Variants in KLHL5 observed in about 807,000 individuals in gnomAD.
KLHL5 encodes the protein kelch-like protein 5.
A neutral mutation model predicts 77.7 loss-of-function variants in KLHL5; 48 were observed. The ratio of observed to expected loss-of-function variants is 0.62; its 90% confidence interval spans 0.49 to 0.79. The LOEUF is 0.79. Among genes scored for constraint, KLHL5 ranks in the 30% least tolerant of loss-of-function variants. The probability of loss-of-function intolerance (pLI) is 0.00; values close to 1 mark genes in which losing one functional copy is unlikely to be tolerated. For missense variants in KLHL5, 723 were observed against 859.7 expected, an observed-to-expected ratio of 0.84 and a Z score of 1.99; for synonymous variants, 260 against 297.0, an observed-to-expected ratio of 0.88 and a Z score of 1.28.
At chr4:39,130,624 G>A (rs1723762820), downstream of KLHL5, among the ~76,000 whole-genome samples, 1 of 152,130 alleles carries the variant, frequency 6.6e-6, no homozygotes, top group Non-Finnish European at 1.5e-5. Context: ...GCCAATCCCA[G>A]CCAGAACCCA....
chr4:39,084,621 T>C (rs1719888578), intron 4 of KLHL5, among the ~76,000 whole-genome samples: 1 of 152,196 alleles, frequency 6.6e-6, no homozygotes, highest in Non-Finnish European at 1.5e-5. Context: ...ATGTAAGTTA[T>C]ACTAGAATGG....
chr4:39,102,634 G>A (rs555569318), intron 6 of KLHL5, among the ~76,000 whole-genome samples: 1 of 152,008 alleles, frequency 6.6e-6, no homozygotes, highest in African/African-American at 2.4e-5. Context: ...TTCATCTCCT[G>A]TATTTTTAGC....
rs1274761534 is a variant in KLHL5 at position 39,125,140 on chromosome 4, T to C, written c.*4074T>C. Among the ~76,000 whole-genome samples the C allele has an allele frequency of 2.0e-5, 3 of 149,240 alleles. No individual in the cohort carries two copies. ...CTTCACACCTATTAGAATGACGAAA[T>C]AGACCTAGGATCTAAACCTACAGGA... On this transcript the variant is annotated 3_prime_UTR_variant, in exon 11 of 11. Transcript: ENST00000504108.
chr4:39,045,222 C>T (rs1716076008), intron 1 of KLHL5: 5 of 958,048 alleles, frequency 5.2e-6, no homozygotes, highest in East Asian at 2.3e-4. Flanking sequence ...AAGACGCTGC[C>T]CCTCCCGGAG....
chr4:39,053,399 AG>A (rs1204632857), intron 1 of KLHL5, among the ~76,000 whole-genome samples: 1 of 152,208 alleles, frequency 6.6e-6, no homozygotes, highest in East Asian at 1.9e-4. Context: ...ATCACCATAA[AG>A]CTACGTGAAA....
chr4:39,101,126 T>TATACATATATATATA (rs1553892884), intron 6 of KLHL5, among the ~76,000 whole-genome samples: 15,404 of 134,472 alleles, frequency 0.11, 1,202 homozygotes, highest in East Asian at 0.13. Flanking sequence ...TATTTGGATT[T>TATACATATATATATA]TATATATATA....
At chr4:39,058,571 C>G (rs901492498), upstream of KLHL5, among the ~76,000 whole-genome samples, 3 of 152,002 alleles carry the variant, frequency 2.0e-5, no homozygotes, top group African/African-American at 7.3e-5. Flanking sequence ...GAGCTGAGAT[C>G]GAGCTACTGC....
At chr4:39,092,442 A>AT (rs939733994) in intron 5 of KLHL5, among the ~76,000 whole-genome samples, 1 of 152,064 alleles carries the variant, frequency 6.6e-6, no homozygotes, top group African/African-American at 2.4e-5. Context: ...TACTTTCTAC[A>AT]TTTTTTTCAC....
upstream of KLHL5, chr4:39,044,847 C>T (rs1716019940): frequency 1.6e-6 from 1 of 636,330 alleles, no homozygotes; most frequent in African/African-American, 2.0e-5. Flanking sequence ...CTACCCCCAC[C>T]TACTCGCCCG....
the KLHL5 span, chr4:39,133,988 A>G: frequency 6.6e-6 from 1 of 152,166 alleles, no homozygotes; most frequent in East Asian, 1.9e-4. Flanking sequence ...CTCCGAGAGG[A>G]TGAGAATGAG....
At chr4:39,053,110 G>T (rs1182281896) in intron 1 of KLHL5, among the ~76,000 whole-genome samples, 2 of 152,188 alleles carry the variant, frequency 1.3e-5, no homozygotes, top group Non-Finnish European at 2.9e-5. Context: ...CATTTGTAGT[G>T]ATTAACCATT....
chr4:39,118,129 A>G (rs1200415469), intron 10 of KLHL5, among the ~76,000 whole-genome samples: 3 of 148,426 alleles, frequency 2.0e-5, no homozygotes, highest in African/African-American at 7.4e-5. Context: ...TTTTTAAATG[A>G]TGATGATAGA....
intron 1 of KLHL5, among the ~76,000 whole-genome samples, chr4:39,046,249 A>G (rs1311419203): frequency 6.6e-6 from 1 of 152,142 alleles, no homozygotes; most frequent in Non-Finnish European, 1.5e-5. Flanking sequence ...TATATATTTG[A>G]AGCAATCTAG....
chr4:39,110,713 C>T (rs1722396512), intron 8 of KLHL5, among the ~76,000 whole-genome samples: 1 of 152,152 alleles, frequency 6.6e-6, no homozygotes, highest in Admixed American at 6.5e-5. Context: ...AGTAATTCTC[C>T]CATCTTGGCC....
At chr4:39,112,787 T>C in intron 8 of KLHL5, 1 of 466,822 alleles carries the variant, frequency 2.1e-6, no homozygotes, top group Middle Eastern at 6.0e-4. Context: ...GAAACAGTTG[T>C]CACTGCCTTC....
At chr4:39,059,920 C>T (rs1717272140), upstream of KLHL5, among the ~76,000 whole-genome samples, 1 of 151,950 alleles carries the variant, frequency 6.6e-6, no homozygotes. Flanking sequence ...AAATAAAATG[C>T]ACATACCTTC....
In KLHL5 at chr4:39,124,200, T is replaced by C. The variant is rs1231235467; in HGVS notation, c.*3134T>C. Among the ~76,000 whole-genome samples the C allele has an allele frequency of 6.6e-6, 1 of 152,198 alleles. No individual in the cohort carries two copies. Among genetic ancestry groups the C allele is most frequent in the Non-Finnish European group, 1.5e-5 (1 of 68,024 alleles). On this transcript the variant is annotated 3_prime_UTR_variant, in exon 11 of 11. Transcript: ENST00000504108. ...TGGAAGACATCCTGTGCTGGCAGGT[T>C]GGAAGACTTAACATTGTTAAGATGG...
intron 1 of KLHL5, among the ~76,000 whole-genome samples, chr4:39,067,428 C>T (rs1717986231): frequency 7.5e-6 from 1 of 133,760 alleles, no homozygotes; most frequent in Non-Finnish European, 1.6e-5. Context: ...TGACCTTGAT[C>T]ACTTGGAAAT....
chr4:39,049,390 A>G (rs935017022), intron 1 of KLHL5, among the ~76,000 whole-genome samples: 19 of 152,198 alleles, frequency 1.2e-4, no homozygotes, highest in African/African-American at 4.6e-4. Context: ...CATTTGTTGA[A>G]TGTGTATAAG....
Sources: gnomAD v4.1 joint callset for allele counts (sites outside exome capture counted in the v4.1 genomes callset) on GRCh38, gnomAD v4.1.1 for gene constraint, MANE v1.5 for transcripts, NCBI Gene and HGNC (gene_info 2026-07-23, HGNC 2026-07-21) for gene names.